CCSER1: variants seen among roughly 807,000 people sequenced by gnomAD.
CCSER1 encodes the protein coiled-coil serine rich protein 1, also known as serine-rich coiled-coil domain-containing protein 1.
Under a neutral mutation model 82.0 loss-of-function variants are expected in CCSER1, and 41 were observed. The observed-to-expected ratio is 0.50, with a 90% CI of 0.39 to 0.65. The LOEUF (loss-of-function observed/expected upper bound fraction) is 0.65. Ranked by LOEUF, CCSER1 falls within the 30% of genes least tolerant of loss-of-function variation. The probability of loss-of-function intolerance (pLI) is 0.00; values close to 1 mark genes in which losing one functional copy is unlikely to be tolerated. For synonymous variants in CCSER1, 414 were observed against 383.9 expected (o/e 1.08, Z -0.92); for missense variants, 1,119 against 1,064.2 (o/e 1.05, Z -0.72).
chr4:91,152,525 G>A (rs918672369), intron 10 of CCSER1, among the ~76,000 whole-genome samples: 12 of 152,062 alleles, frequency 7.9e-5, no homozygotes, highest in African/African-American at 2.4e-4. Context: ...TACATTTAAG[G>A]TTAATATTGT....
intron 10 of CCSER1, among the ~76,000 whole-genome samples, chr4:91,406,282 TC>T (rs1471768070): frequency 6.6e-6 from 1 of 152,204 alleles, no homozygotes; most frequent in Non-Finnish European, 1.5e-5. Context: ...CCTTCTTCTT[TC>T]CTATGTTGTT....
intron 8 of CCSER1, among the ~76,000 whole-genome samples, chr4:90,895,273 T>C (rs1031842207): frequency 6.6e-6 from 1 of 151,790 alleles, no homozygotes. Context: ...TGCCTGAAAA[T>C]GGTCCTCTTG....
At chr4:90,856,353 C>T (rs1764464498) in intron 8 of CCSER1, among the ~76,000 whole-genome samples, 1 of 152,074 alleles carries the variant, frequency 6.6e-6, no homozygotes, top group Non-Finnish European at 1.5e-5. Flanking sequence ...TAGAAAGTAA[C>T]ATTCGATGTA....
At chr4:90,859,805 A>G (rs1764864694) in intron 8 of CCSER1, among the ~76,000 whole-genome samples, 1 of 151,792 alleles carries the variant, frequency 6.6e-6, no homozygotes, top group Non-Finnish European at 1.5e-5. Context: ...GAGATTAGGA[A>G]TCAAAGTGAA....
intron 10 of CCSER1, among the ~76,000 whole-genome samples, chr4:91,496,474 T>C (rs188651115): frequency 3.5e-4 from 52 of 146,562 alleles, no homozygotes; most frequent in African/African-American, 1.0e-3. Context: ...ATAAACACTG[T>C]GATCTACTGT....
At chr4:90,945,294 CA>C in intron 9 of CCSER1, among the ~76,000 whole-genome samples, 1 of 151,920 alleles carries the variant, frequency 6.6e-6, no homozygotes, top group Middle Eastern at 3.4e-3. Flanking sequence ...ATTATTTTTT[CA>C]TTTGCTATTT....
intron 10 of CCSER1, among the ~76,000 whole-genome samples, chr4:91,457,809 C>G (rs1756273361): frequency 6.6e-6 from 1 of 152,056 alleles, no homozygotes; most frequent in Admixed American, 6.6e-5. Context: ...TGTAGGCAAG[C>G]TTTATCATCT....
At chr4:90,602,936 T>C (rs1193281251) in intron 5 of CCSER1, among the ~76,000 whole-genome samples, 1 of 152,186 alleles carries the variant, frequency 6.6e-6, no homozygotes, top group African/African-American at 2.4e-5. Context: ...ACCTTTGTTA[T>C]TCCGAAGTGC....
chr4:90,889,039 T>A (rs1283746238), intron 8 of CCSER1, among the ~76,000 whole-genome samples: 1 of 152,130 alleles, frequency 6.6e-6, no homozygotes, highest in Non-Finnish European at 1.5e-5. Context: ...TAATACGTGA[T>A]CAATATTCTA....
chr4:90,571,646 A>G lies in CCSER1; in HGVS notation c.1725-56379A>G, dbSNP rs566194870. Among the ~76,000 whole-genome samples the G allele has an allele frequency of 1.8e-3, 279 of 152,224 alleles. 1 individual carries two copies. Among genetic ancestry groups the G allele is most frequent in the Non-Finnish European group, 3.4e-3 (230 of 67,996 alleles). The stretch of plus-strand genomic sequence containing the variant: ...GCTGAAAAACTAACTTTTGGGTCCT[A>G]TTTTCACTGTCTTGGTGACAGGATC... On this transcript the variant is annotated intron_variant, in intron 5 of 10. Coordinates refer to ENST00000509176, the MANE Select transcript of CCSER1 (RefSeq NM_001145065.2).
At chr4:90,247,710 A>G (rs1721689330) in intron 1 of CCSER1, among the ~76,000 whole-genome samples, 1 of 152,060 alleles carries the variant, frequency 6.6e-6, no homozygotes. Flanking sequence ...AGGAATATAT[A>G]ATAAATTACG....
chr4:90,911,325 A>G (rs746886627), intron 8 of CCSER1: 1 of 456,150 alleles, frequency 2.2e-6, no homozygotes, highest in South Asian at 1.5e-5. Context: ...GATTCTACTG[A>G]TGTCTTCAGT....
chr4:91,031,117 G>A (rs1052550659), intron 9 of CCSER1, among the ~76,000 whole-genome samples: 12 of 152,106 alleles, frequency 7.9e-5, no homozygotes, highest in Admixed American at 2.0e-4. Context: ...TTTTCACTGT[G>A]GCTCATTATA....
intron 10 of CCSER1, among the ~76,000 whole-genome samples, chr4:91,521,549 C>T (rs1289730107): frequency 1.3e-5 from 2 of 152,116 alleles, no homozygotes; most frequent in Admixed American, 1.3e-4. Flanking sequence ...CTGTTGTTTC[C>T]TGACTTTTTA....
At chr4:91,325,205 A>G (rs1228762823) in intron 10 of CCSER1, 2 of 456,004 alleles carry the variant, frequency 4.4e-6, no homozygotes, top group Admixed American at 4.7e-5. Flanking sequence ...GGCTCTTGCC[A>G]TTATTGTAAT....
chr4:90,407,021 A>G (rs1327179526), intron 4 of CCSER1, among the ~76,000 whole-genome samples: 1 of 152,190 alleles, frequency 6.6e-6, no homozygotes, highest in Non-Finnish European at 1.5e-5. Flanking sequence ...GCAGAACTAA[A>G]TGAAACTGAA....
chr4:91,172,358 C>G (rs1246329781), intron 10 of CCSER1, among the ~76,000 whole-genome samples: 1 of 152,086 alleles, frequency 6.6e-6, no homozygotes, highest in South Asian at 2.1e-4. Flanking sequence ...TGGAATTTTT[C>G]ATGTGGATGC....
chr4:90,315,238 C>A (rs1286873832), intron 3 of CCSER1, among the ~76,000 whole-genome samples: 1 of 152,070 alleles, frequency 6.6e-6, no homozygotes, highest in African/African-American at 2.4e-5. Context: ...AAAAGTGTGC[C>A]TGTAGTATTA....
chr4:90,983,738 T>G (rs1248175568), intron 9 of CCSER1, among the ~76,000 whole-genome samples: 1 of 151,800 alleles, frequency 6.6e-6, no homozygotes, highest in Non-Finnish European at 1.5e-5. Flanking sequence ...CTCACACACT[T>G]AGTCTGTAAT....
Sources: gnomAD v4.1 joint callset for allele counts (sites outside exome capture counted in the v4.1 genomes callset) on GRCh38, gnomAD v4.1.1 for gene constraint, MANE v1.5 for transcripts, NCBI Gene and HGNC (gene_info 2026-07-23, HGNC 2026-07-21) for gene names.